Variants in LOXL4 observed in about 807,000 individuals in gnomAD.
LOXL4 encodes the protein lysyl oxidase like 4.
LOXL4 carries 72 observed loss-of-function variants against 89.1 expected under a neutral mutation model. The observed-to-expected ratio is 0.81, with a 90% CI of 0.67 to 0.98. The LOEUF is 0.98. Among genes scored for constraint, LOXL4 ranks in the 50% least tolerant of loss-of-function variants. LOXL4 has a pLI of 0.00. For missense variants in LOXL4, 984 were observed against 1,017.5 expected, an observed-to-expected ratio of 0.97 and a Z score of 0.45; for synonymous variants, 355 against 392.1, an observed-to-expected ratio of 0.91 and a Z score of 1.12.
intron 4 of LOXL4, 64 bp from the exon 5 acceptor site, chr10:98,259,493 G>T: frequency 7.2e-7 from 1 of 1,390,636 alleles, no homozygotes; most frequent in Admixed American, 1.7e-5. Context: ...CTGCCACCTG[G>T]TTCCTCATAG....
chr10:98,251,562 T>C lies in LOXL4; in HGVS notation c.2088+4A>G. 2.5e-6 allele frequency: 4 copies of C among 1,613,942 alleles called. No individual in the cohort carries two copies. Among genetic ancestry groups the C allele is most frequent in the Non-Finnish European group, 3.4e-6 (4 of 1,179,964 alleles). ...CTCTGTGGGGAATCCCCCAGCCGCCTTACCTGGAAGATATAATTCCCGGGG... is the reference window on the plus strand; with the variant it reads ...CTCTGTGGGGAATCCCCCAGCCGCCCTACCTGGAAGATATAATTCCCGGGG... On this transcript the variant is annotated splice_donor_region_variant and intron_variant, in intron 13 of 14. Coordinates refer to ENST00000260702, the MANE Select transcript of LOXL4 (RefSeq NM_032211.7).
rs1359341120 is a variant in LOXL4 at position 98,258,048 on chromosome 10, A to G, written c.1038T>C (p.Ser346=). ...CAAAGCCCAGCTGACGACACACGAC[A>G]CTGGCAGAGATGAGGTTCCACCTGT... The part of the protein sequence containing the change: ...CDHRWNLISA[S]VVCRQLGFGS... The change falls in exon 7 of 15, where the codon AGT becomes AGC. Residue 346 remains serine, a synonymous_variant. Transcript: ENST00000260702. 1.9e-6 allele frequency: 3 copies of G among 1,613,846 alleles called. No homozygotes were observed. The South Asian group carries it at 3.3e-5, about 18-fold the overall frequency.
chr10:98,259,343 T>C (rs779372504), intron 5 of LOXL4, 48 bp downstream of exon 5: 1 of 1,605,222 alleles, frequency 6.2e-7, no homozygotes, highest in African/African-American at 1.3e-5. Context: ...ATAGAGGCCC[T>C]TCATGCCACA....
rs1858698893 is a variant in LOXL4, at chr10:98,266,880, G to C, written c.-33+1252C>G. On this transcript the variant is annotated intron_variant, in intron 1 of 14. Transcript: ENST00000260702. ...TGTTTGCTTCCTGACCCCACAACCA[G>C]ACTCCACCTGTCTGTTCCCCTAGCA... Among the ~76,000 whole-genome samples, 4 of 152,044 alleles carry C rather than the reference G, an allele frequency of 2.6e-5. No homozygotes were observed. The South Asian group carries it at 8.3e-4, about 32-fold the overall frequency.
rs372538757 is a variant in LOXL4, at chr10:98,258,964, C to T, written c.921+45G>A. 97 of 1,448,666 alleles carry T rather than the reference C, an allele frequency of 6.7e-5. No individual in the cohort carries two copies. The East Asian group carries it at 7.8e-4, about 12-fold the overall frequency. The allele number at this position is 1,448,666 out of a possible 1,614,324, so 89.7% of individuals were successfully genotyped here. On this transcript the variant is annotated intron_variant, in intron 6 of 14. Coordinates refer to ENST00000260702, the MANE Select transcript of LOXL4 (RefSeq NM_032211.7). ...ACCCCCCACCAGGCAGTGTCCCGCC[C>T]GTGCCTCCAAGCTGTGGTGTGAGTG...
chr10:98,250,920 G>C (rs749247729), intron 14 of LOXL4, 145 bp downstream of exon 14: 4 of 634,988 alleles, frequency 6.3e-6, no homozygotes, highest in African/African-American at 1.8e-5. Flanking sequence ...GATGTCAAAG[G>C]AAATGCATCT....
Position 98,262,022 on chromosome 10 carries a change from A to G in LOXL4, c.456+13T>C, listed in dbSNP as rs200166702. On this transcript the variant is annotated intron_variant, in intron 3 of 14. Coordinates refer to ENST00000260702, the MANE Select transcript of LOXL4 (RefSeq NM_032211.7). ...GCCCTTGGCTCAGACCAGAGCCTGAACAGCCTCCTCACCTGGGGCCCAAGG... is the reference window on the plus strand; with the variant it reads ...GCCCTTGGCTCAGACCAGAGCCTGAGCAGCCTCCTCACCTGGGGCCCAAGG... 19 of 1,597,634 alleles carry G rather than the reference A, an allele frequency of 1.2e-5. No individual in the cohort carries two copies. Among genetic ancestry groups the G allele is most frequent in the Admixed American group, 1.8e-5 (1 of 57,064 alleles).
In LOXL4 at chr10:98,259,396, C is replaced by G. The variant is rs201412889; in HGVS notation, c.696G>C (p.Lys232Asn). The change falls in exon 5 of 15, where the codon AAG becomes AAC. Residue 232 changes from lysine (K) to asparagine (N), a missense_variant. Coordinates refer to ENST00000260702, the MANE Select transcript of LOXL4 (RefSeq NM_032211.7). ...TCTAGGGTGCTGCTCCTCACCTAGA[C>G]TTAGGGTCCCTCATCTTCAGATCCC... ...KVWDLKMRDP[K>N]SRLKSLTNKN... 53 of 1,613,250 alleles carry G rather than the reference C, an allele frequency of 3.3e-5. No homozygotes were observed. In the African/African-American group the frequency reaches 4.9e-4, roughly 15 times the overall value.
rs977100444 is a variant in LOXL4, at chr10:98,257,556, C to T, written c.1260+94G>A. On this transcript the variant is annotated intron_variant, in intron 8 of 14. Coordinates refer to ENST00000260702, the MANE Select transcript of LOXL4 (RefSeq NM_032211.7). The stretch of plus-strand genomic sequence containing the variant: ...AAAGCAGAAGCGCTAGCCGCTCCTC[C>T]TGGACCTCTCCCCGCTAGCTCGATG... 7 of 1,450,708 alleles carry T rather than the reference C, an allele frequency of 4.8e-6. No individual in the cohort carries two copies. In the African/African-American group the frequency reaches 8.4e-5, roughly 17 times the overall value. The allele number at this position is 1,450,708 out of a possible 1,614,324, so 89.9% of individuals were successfully genotyped here. A position where few individuals can be genotyped will look rare whatever the true frequency, so the allele number is the denominator to read the frequency against.
Position 98,255,638 on chromosome 10 carries a change from G to T in LOXL4, c.1530C>A (p.His510Gln), listed in dbSNP as rs150847257. Reference protein sequence around the residue: ...TELALQQCQRHGPVHCSHGGG... With the variant: ...TELALQQCQRQGPVHCSHGGG... ...CACCGTGGGAGCAGTGCACCGGCCCGTGCCTCTGGCACTGCTGCAGGGCCA... is the reference window on the plus strand; with the variant it reads ...CACCGTGGGAGCAGTGCACCGGCCCTTGCCTCTGGCACTGCTGCAGGGCCA... Residue 510 changes from histidine to glutamine, a missense_variant, in exon 10 of 15, where the codon CAC becomes CAA. Physicochemically the swap from His to Gln is conservative, Grantham distance 24. Coordinates refer to ENST00000260702, the MANE Select transcript of LOXL4 (RefSeq NM_032211.7). 6.2e-7 allele frequency: 1 copy of T among 1,613,498 alleles called. No homozygotes were observed. Among genetic ancestry groups the T allele is most frequent in the African/African-American group, 1.3e-5 (1 of 75,046 alleles).
At chr10:98,255,959 A>C (rs1590878784) in intron 9 of LOXL4, 1 of 482,342 alleles carries the variant, frequency 2.1e-6, no homozygotes, top group Non-Finnish European at 3.6e-6. Flanking sequence ...GTAAAAATCC[A>C]CCCACCGTGG....
intron 8 of LOXL4, 110 bp downstream of exon 8, chr10:98,257,540 G>T: frequency 7.5e-7 from 1 of 1,333,500 alleles, no homozygotes. Context: ...CAAAGCAGAA[G>T]CGCTAGCCGC....
rs1378785122 is a variant in LOXL4, at chr10:98,256,965, G to C, written c.1261-18C>G. 5 of 1,610,950 alleles carry C rather than the reference G, an allele frequency of 3.1e-6. No homozygotes were observed. The East Asian group carries it at 1.1e-4, about 36-fold the overall frequency. On this transcript the variant is annotated intron_variant, in intron 8 of 14. Coordinates refer to ENST00000260702, the MANE Select transcript of LOXL4 (RefSeq NM_032211.7). ...AAGCGCACCTGCAATGGCGAGGGGT[G>C]TGTGAGGAGTGGGGTAGCCTTGCAG...
At position 98,255,682 on chromosome 10, in the gene LOXL4, G is replaced by A. The variant is rs149982668; in HGVS notation, c.1486C>T (p.Arg496Cys). ...AGGGCCAGCTCTGTGCCTGAGCAGC[G>A]CACCCCACTCATCACCACCTCCTGG... ...RAQEVVMSGVRCSGTELALQQ... is the reference protein window; with the variant it reads ...RAQEVVMSGVCCSGTELALQQ... Residue 496 changes from arginine (R) to cysteine (C), a missense_variant, in exon 10 of 15, where the codon CGC (arginine) becomes TGC (cysteine). Physicochemically the swap from Arg to Cys is radical, Grantham distance 180 (BLOSUM62 -3). Transcript: ENST00000260702. The A allele has an allele frequency of 2.0e-4, 321 of 1,613,684 alleles. No individual in the cohort carries two copies. The highest frequency in any genetic ancestry group is 2.7e-4 in the Admixed American group (16 of 60,018).
chr10:98,247,885 T>C lies in LOXL4; in HGVS notation c.*1036A>G, dbSNP rs1296390767. 1 of 152,222 alleles carries C rather than the reference T, an allele frequency of 6.6e-6. No individual in the cohort carries two copies. Among genetic ancestry groups the C allele is most frequent in the Non-Finnish European group, 1.5e-5 (1 of 68,054 alleles). The allele number at this position is 152,222 out of a possible 1,614,324, so 9.4% of individuals were successfully genotyped here. A position where few individuals can be genotyped will look rare whatever the true frequency, so the allele number is the denominator to read the frequency against. ...GGTGGCCTTTCCCAGGTTCCATCCT[T>C]AACTAAACTGACTGTTCCCCCTTCT... is the stretch of plus-strand genomic sequence containing the variant. On this transcript the variant is annotated 3_prime_UTR_variant, in exon 15 of 15. Transcript: ENST00000260702.
At position 98,252,373 on chromosome 10, in the gene LOXL4, T is replaced by C; in HGVS notation, c.1931A>G (p.Glu644Gly). Residue 644 changes from glutamate (E) to glycine (G), a missense_variant, in exon 12 of 15, where the codon GAG becomes GGG. By Grantham distance (98) the Glu-to-Gly change is moderately conservative (BLOSUM62 -2). Transcript: ENST00000260702. ...CATACCTGTGGGGCAGTTTGTGTCC[T>C]CCAGACAGAAGCTGGCCTTGTGCCC... ...AEGHKASFCLEDTNCPTGLQR... is the reference protein window; with the variant it reads ...AEGHKASFCLGDTNCPTGLQR... 2 of 1,613,894 alleles carry C rather than the reference T, an allele frequency of 1.2e-6. No individual in the cohort carries two copies. Among genetic ancestry groups the C allele is most frequent in the Non-Finnish European group, 1.7e-6 (2 of 1,179,800 alleles).
Position 98,262,054 on chromosome 10 carries a change from G to A in LOXL4, c.437C>T (p.Ser146Phe). The change falls in exon 3 of 15, where the codon TCC (serine) becomes TTC (phenylalanine). Residue 146 changes from serine (S) to phenylalanine (F), a missense_variant. Physicochemically the swap from Ser to Phe is radical, Grantham distance 155. Coordinates refer to ENST00000260702, the MANE Select transcript of LOXL4 (RefSeq NM_032211.7). ...RHRGYLSETV[S>F]NALGPQGRRL... Reference sequence around the variant, plus strand: ...CCTCACCTGGGGCCCAAGGGCATTGGAGACAGTTTCAGAAAGGTAGCCACG... The same window carrying A: ...CCTCACCTGGGGCCCAAGGGCATTGAAGACAGTTTCAGAAAGGTAGCCACG... The A allele has an allele frequency of 6.2e-7, 1 of 1,610,962 alleles. No homozygotes were observed. Among genetic ancestry groups the A allele is most frequent in the Non-Finnish European group, 8.5e-7 (1 of 1,178,708 alleles).
chr10:98,251,743 G>T, intron 12 of LOXL4, 41 bp from the exon 13 acceptor site: 1 of 1,609,646 alleles, frequency 6.2e-7, no homozygotes, highest in South Asian at 1.1e-5. Context: ...GCAGGACGAA[G>T]CACTCTGCTA....
At chr10:98,255,821 T>G in intron 9 of LOXL4, 82 bp from the exon 10 acceptor site, 1 of 1,498,596 alleles carries the variant, frequency 6.7e-7, no homozygotes, top group African/African-American at 1.4e-5. Context: ...GCCTCAGTCA[T>G]ACCACCCCCA....
Sources: allele counts gnomAD v4.1 joint callset (sites outside exome capture counted in the v4.1 genomes callset), GRCh38; gene constraint gnomAD v4.1.1; transcripts MANE v1.5; gene names NCBI Gene and HGNC (gene_info 2026-07-23, HGNC 2026-07-21).